Variants in SLCO4A1 observed in about 807,000 individuals in gnomAD.
SLCO4A1 encodes the protein solute carrier organic anion transporter family member 4A1, also known as colon organic anion transporter.
Under a neutral mutation model 64.6 loss-of-function variants are expected in SLCO4A1, and 51 were observed. That is an observed-to-expected ratio of 0.79 (90% CI 0.63 to 1.00). The LOEUF is 1.00. SLCO4A1 is among the 50% of genes least tolerant of loss of function. The pLI is 0.00. For missense variants in SLCO4A1, 919 were observed against 980.5 expected, an observed-to-expected ratio of 0.94 and a Z score of 0.84; for synonymous variants, 471 against 444.9, an observed-to-expected ratio of 1.06 and a Z score of -0.74.
intron 3 of SLCO4A1, among the ~76,000 whole-genome samples, chr20:62,659,967 G>A (rs1039502538): frequency 5.9e-5 from 9 of 152,220 alleles, no homozygotes; most frequent in African/African-American, 2.2e-4. Context: ...TGTGCAAATT[G>A]CCACGTGCAC....
chr20:62,667,805 G>A lies in SLCO4A1; in HGVS notation c.1533G>A (p.Gln511=), dbSNP rs1291815626. 1.2e-6 allele frequency: 2 copies of A among 1,612,622 alleles called. No individual in the cohort carries two copies. The highest frequency in any genetic ancestry group is 1.7e-6 in the Non-Finnish European group (2 of 1,179,974). The change falls in exon 8 of 12, where the codon CAG becomes CAA. Residue 511 remains glutamine (Q), a synonymous_variant. Coordinates refer to ENST00000217159, the MANE Select transcript of SLCO4A1 (RefSeq NM_016354.4). ...TAPCNAACSC[Q]PEHYSPVCGS... is the part of the protein sequence containing the mutation. ...CCTGCAACGCTGCCTGCAGCTGCCA[G>A]CCAGAACACTACAGCCCTGTGTGCG...
At chr20:62,678,234 G>A (rs949729880) in intron 2 of SLCO4A1, among the ~76,000 whole-genome samples, 1 of 152,146 alleles carries the variant, frequency 6.6e-6, no homozygotes, top group Non-Finnish European at 1.5e-5. Context: ...AGAAGAGAGG[G>A]TTTTGTTTAA....
downstream of SLCO4A1, among the ~76,000 whole-genome samples, chr20:62,686,291 C>A (rs4809499): frequency 1.3e-5 from 2 of 152,198 alleles, no homozygotes; most frequent in African/African-American, 4.8e-5. Context: ...GAGCCTTCCT[C>A]CCCCCAGCTG....
At chr20:62,666,267 G>GA in intron 6 of SLCO4A1, 113 bp from the exon 7 acceptor site, 1 of 847,104 alleles carries the variant, frequency 1.2e-6, no homozygotes, top group Non-Finnish European at 1.9e-6. Context: ...GGCAGGAATT[G>GA]ATCCCTCTAT....
Position 62,672,188 on chromosome 20 carries a change from G to T in SLCO4A1, c.*295G>T. Reference sequence around the variant, plus strand: ...TGTGCGTGAGGACAAACTCCGCAGGGGCTGTGAATCCCACTGGGAGGGCGG... The same window carrying T: ...TGTGCGTGAGGACAAACTCCGCAGGTGCTGTGAATCCCACTGGGAGGGCGG... On this transcript the variant is annotated 3_prime_UTR_variant, in exon 12 of 12. Transcript: ENST00000217159. 2 of 1,310,922 alleles carry T rather than the reference G, an allele frequency of 1.5e-6. No individual in the cohort carries two copies. The highest frequency in any genetic ancestry group is 2.0e-6 in the Non-Finnish European group (2 of 1,023,380). The allele number at this position is 1,310,922 out of a possible 1,614,324, so 81.2% of individuals were successfully genotyped here. A position where few individuals can be genotyped will look rare whatever the true frequency, so the allele number is the denominator to read the frequency against.
intron 5 of SLCO4A1, among the ~76,000 whole-genome samples, chr20:62,663,858 G>A (rs1022489400): frequency 2.6e-5 from 4 of 152,220 alleles, no homozygotes; most frequent in African/African-American, 9.7e-5. Flanking sequence ...TCACTGCACT[G>A]GCTGGGAGGG....
chr20:62,673,380 G>C (rs149003618), downstream of SLCO4A1, among the ~76,000 whole-genome samples: 15 of 143,308 alleles, frequency 1.0e-4, 5 homozygotes, highest in Non-Finnish European at 2.4e-4. Context: ...TCAGGAGTCC[G>C]GTTCATCAGG....
chr20:62,652,749 TGGCCGC>T (rs1982829315), intron 1 of SLCO4A1, among the ~76,000 whole-genome samples: 1 of 152,206 alleles, frequency 6.6e-6, no homozygotes, highest in Admixed American at 6.5e-5. Flanking sequence ...CCCCCGGGTG[TGGCCGC>T]GGGCACCCAG....
chr20:62,665,380 A>G, intron 6 of SLCO4A1: 1 of 370,076 alleles, frequency 2.7e-6, no homozygotes, highest in Non-Finnish European at 4.9e-6. Flanking sequence ...TGGTGCAGGA[A>G]GGGTTTGGAC....
At chr20:62,657,906 G>C (rs1984032485) in intron 2 of SLCO4A1, among the ~76,000 whole-genome samples, 2 of 152,254 alleles carry the variant, frequency 1.3e-5, no homozygotes, top group African/African-American at 4.8e-5. Context: ...AAAGATCTAT[G>C]TTATAACTCT....
At chr20:62,674,258 T>G (rs373669565), downstream of SLCO4A1, among the ~76,000 whole-genome samples, 25 of 152,248 alleles carry the variant, frequency 1.6e-4, no homozygotes, top group East Asian at 3.7e-3. Context: ...GCCGCACCTG[T>G]CAGAGGCGTG....
At chr20:62,654,653 G>A (rs555441596) in intron 1 of SLCO4A1, among the ~76,000 whole-genome samples, 58 of 152,340 alleles carry the variant, frequency 3.8e-4, no homozygotes, top group Non-Finnish European at 7.5e-4. Context: ...CATTTCTCAC[G>A]CTTTGTGTTT....
At chr20:62,674,149 C>T (rs1987476322), downstream of SLCO4A1, among the ~76,000 whole-genome samples, 1 of 152,200 alleles carries the variant, frequency 6.6e-6, no homozygotes, top group Non-Finnish European at 1.5e-5. Context: ...AGAGCTACGT[C>T]CCGTGGTCCC....
At chr20:62,677,576 G>A (rs958313933) in intron 2 of SLCO4A1, among the ~76,000 whole-genome samples, 1 of 152,164 alleles carries the variant, frequency 6.6e-6, no homozygotes, top group Admixed American at 6.5e-5. Flanking sequence ...AGCAGAGGAT[G>A]GCAGGAGGCA....
intron 2 of SLCO4A1, among the ~76,000 whole-genome samples, chr20:62,681,307 A>C (rs1391725320): frequency 1.3e-5 from 2 of 152,226 alleles, no homozygotes; most frequent in Non-Finnish European, 2.9e-5. Flanking sequence ...ACAAAACTGT[A>C]CTTTGATATC....
chr20:62,668,643 G>GGA (rs1986812871), intron 10 of SLCO4A1, 102 bp downstream of exon 10: 1 of 1,177,198 alleles, frequency 8.5e-7, no homozygotes, highest in African/African-American at 1.5e-5. Flanking sequence ...CTTCCCAGCA[G>GGA]GAGGCTGTTC....
chr20:62,643,222 G>T (rs372727693), intron 1 of SLCO4A1: 14 of 344,164 alleles, frequency 4.1e-5, no homozygotes, highest in East Asian at 1.9e-4. Context: ...GGGGGGACCC[G>T]GGCGCCCTCC....
intron 11 of SLCO4A1, chr20:62,670,174 C>G (rs552559070): frequency 3.3e-4 from 50 of 152,280 alleles, no homozygotes; most frequent in African/African-American, 1.2e-3. Flanking sequence ...AAGGCCCAAG[C>G]CCTCTGTGAT....
chr20:62,661,307 C>G lies in SLCO4A1; in HGVS notation c.1121+132C>G. On this transcript the variant is annotated intron_variant, in intron 5 of 11. Transcript: ENST00000217159. This position sits in a 1 kb window ranked among gnomAD's most constrained non-coding sequence, Gnocchi z 5.2. ...CCTAACCTCTGTCGTGACCCTGGGC[C>G]AAGAGATTAAGGAGCAACAGATAGA... 1.5e-6 allele frequency: 1 copy of G among 667,790 alleles called. No homozygotes were observed. Among genetic ancestry groups the G allele is most frequent in the South Asian group, 1.7e-5 (1 of 58,608 alleles). The allele number at this position is 667,790 out of a possible 1,614,324, so 41.4% of individuals were successfully genotyped here.
Sources: allele counts gnomAD v4.1 joint callset (sites outside exome capture counted in the v4.1 genomes callset), GRCh38; gene constraint gnomAD v4.1.1; non-coding constraint Gnocchi (gnomAD v3.1); transcripts MANE v1.5; gene names NCBI Gene and HGNC (gene_info 2026-07-23, HGNC 2026-07-21).